KLHL13: variants seen among roughly 807,000 people sequenced by gnomAD.
The protein encoded by KLHL13 is kelch-like protein 13.
KLHL13 carries 10 observed loss-of-function variants against 37.1 expected under a neutral mutation model. The ratio of observed to expected loss-of-function variants is 0.27; its 90% CI spans 0.17 to 0.46. The LOEUF is 0.46. KLHL13 is among the 20% of genes least tolerant of loss of function. The probability of loss-of-function intolerance (pLI) is 1.00; values close to 1 mark genes in which losing one functional copy is unlikely to be tolerated. For missense variants in KLHL13, 360 were observed against 509.3 expected (o/e 0.71, Z 2.82); for synonymous variants, 163 against 181.2 (o/e 0.90, Z 0.81).
chrX:117,979,864 C>T (rs762014730), intron 1 of KLHL13, among the ~76,000 whole-genome samples: 1 of 111,572 alleles, frequency 9.0e-6, no homozygotes, highest in Non-Finnish European at 1.9e-5. Flanking sequence ...TGATCACTCA[C>T]CTGTTTAGTC....
At chrX:118,059,965 C>T (rs2054724268) in intron 1 of KLHL13, among the ~76,000 whole-genome samples, 1 of 112,023 alleles carries the variant, frequency 8.9e-6, no homozygotes, top group Non-Finnish European at 1.9e-5. Flanking sequence ...CTTAGCATTA[C>T]TCATAAATGT....
chrX:118,109,463 T>C (rs2055384223), intron 1 of KLHL13, among the ~76,000 whole-genome samples: 1 of 112,114 alleles, frequency 8.9e-6, no homozygotes, highest in African/African-American at 3.2e-5. Context: ...CTCTGAAATA[T>C]TGGGGTTTGC....
chrX:118,095,676 A>C (rs1441223545), intron 1 of KLHL13, among the ~76,000 whole-genome samples: 1 of 112,195 alleles, frequency 8.9e-6, no homozygotes, highest in African/African-American at 3.2e-5. Context: ...AAGAACAGAA[A>C]TTATAACAAA....
chrX:118,108,795 T>C (rs1278071485), intron 1 of KLHL13, among the ~76,000 whole-genome samples: 1 of 111,422 alleles, frequency 9.0e-6, no homozygotes, highest in Admixed American at 9.5e-5. Flanking sequence ...CCTCTAGCCT[T>C]TTTTAAAAAT....
chrX:117,916,368 T>C lies in KLHL13; in HGVS notation c.570+3153A>G, dbSNP rs761983512. 4.5e-5 allele frequency among the ~76,000 whole-genome samples: 5 copies of C among 112,265 alleles called. No individual in the cohort carries two copies. In the South Asian group the frequency reaches 1.9e-3, roughly 42 times the overall value. The stretch of plus-strand genomic sequence containing the variant: ...TACCATGCTTCATATCTATCCTTCA[T>C]TGTCATCCTTCTGTATTCATTTCAT... On this transcript the variant is annotated intron_variant, in intron 4 of 6. Coordinates refer to ENST00000262820, the Ensembl canonical transcript of KLHL13.
intron 1 of KLHL13, among the ~76,000 whole-genome samples, chrX:118,095,351 T>C (rs2055192111): frequency 9.0e-6 from 1 of 111,352 alleles, no homozygotes; most frequent in African/African-American, 3.3e-5. Context: ...CTCTCCTAAA[T>C]ATATATGCAC....
At chrX:118,001,527 G>A (rs2147967291) in intron 1 of KLHL13, among the ~76,000 whole-genome samples, 1 of 111,406 alleles carries the variant, frequency 9.0e-6, no homozygotes, top group Admixed American at 9.5e-5. Flanking sequence ...AGTATACAAG[G>A]CTAAATCCTG....
At chrX:118,079,807 G>A (rs5956869) in intron 1 of KLHL13, among the ~76,000 whole-genome samples, 2,021 of 111,054 alleles carry the variant, frequency 0.018, 40 homozygotes, top group African/African-American at 0.061. Flanking sequence ...AATTCATATG[G>A]AACCAAAAAA....
chrX:118,074,759 A>G (rs1326607207), intron 1 of KLHL13, among the ~76,000 whole-genome samples: 2 of 111,812 alleles, frequency 1.8e-5, no homozygotes, highest in African/African-American at 3.2e-5. Flanking sequence ...TAAAAATTTG[A>G]TAAGATTTTC....
intron 1 of KLHL13, among the ~76,000 whole-genome samples, chrX:118,057,192 C>T (rs917606986): frequency 8.9e-6 from 1 of 111,967 alleles, no homozygotes; most frequent in African/African-American, 3.2e-5. Context: ...AATAAAGCCA[C>T]GTGTCTATGG....
At chrX:117,945,633 G>A in intron 1 of KLHL13, 58 bp from the exon 3 acceptor site, 1 of 1,011,396 alleles carries the variant, frequency 9.9e-7, no homozygotes, top group Non-Finnish European at 1.4e-6. Flanking sequence ...AATTTACAAT[G>A]AGATTATTTA....
chrX:118,090,064 G>A (rs1442086905), intron 1 of KLHL13, among the ~76,000 whole-genome samples: 1 of 77,713 alleles, frequency 1.3e-5, no homozygotes. Flanking sequence ...CTGGGCAACA[G>A]AGCAAGACTC....
intron 1 of KLHL13, among the ~76,000 whole-genome samples, chrX:117,988,644 A>T (rs756200613): frequency 8.9e-6 from 1 of 111,993 alleles, no homozygotes; most frequent in Non-Finnish European, 1.9e-5. Context: ...TGGAAATGTC[A>T]TTTGCTGCTA....
At chrX:118,013,863 T>C (rs2054097360) in intron 1 of KLHL13, among the ~76,000 whole-genome samples, 1 of 112,443 alleles carries the variant, frequency 8.9e-6, no homozygotes, top group Non-Finnish European at 1.9e-5. Flanking sequence ...CACCTGTCTT[T>C]ACTGCAATCT....
At chrX:118,053,870 G>A (rs2054655762) in intron 1 of KLHL13, among the ~76,000 whole-genome samples, 1 of 95,861 alleles carries the variant, frequency 1.0e-5, no homozygotes. Context: ...GAGAGAGAGA[G>A]AGAGAGAGAG....
intron 1 of KLHL13, among the ~76,000 whole-genome samples, chrX:118,021,132 A>G (rs1228763889): frequency 9.3e-6 from 1 of 107,797 alleles, no homozygotes; most frequent in Non-Finnish European, 1.9e-5. Context: ...CCTAAAACTT[A>G]AAGTATAATA....
chrX:117,964,655 T>C (rs1161586425), intron 1 of KLHL13, among the ~76,000 whole-genome samples: 2 of 111,842 alleles, frequency 1.8e-5, no homozygotes, highest in Non-Finnish European at 3.8e-5. Context: ...GTTACATATG[T>C]ATACATGTGC....
intron 1 of KLHL13, among the ~76,000 whole-genome samples, chrX:118,073,126 A>G: frequency 9.1e-6 from 1 of 109,812 alleles, no homozygotes; most frequent in Non-Finnish European, 1.9e-5. Flanking sequence ...TGAAGAAAGA[A>G]GTCCTCATTC....
intron 1 of KLHL13, among the ~76,000 whole-genome samples, chrX:117,996,689 C>T (rs2053857975): frequency 9.1e-6 from 1 of 110,382 alleles, no homozygotes; most frequent in African/African-American, 3.3e-5. Flanking sequence ...TGTGATATAC[C>T]AGGCTTTTTT....
Sources: gnomAD v4.1 joint callset for allele counts (sites outside exome capture counted in the v4.1 genomes callset) on GRCh38, gnomAD v4.1.1 for gene constraint, MANE v1.5 for transcripts, NCBI Gene and HGNC (gene_info 2026-07-23, HGNC 2026-07-21) for gene names.